Variants in ESD observed in about 807,000 individuals in gnomAD.
ESD encodes esterase D.
A neutral mutation model predicts 38.1 loss-of-function variants in ESD; 34 were observed. That is an observed-to-expected ratio of 0.89 (90% CI 0.68 to 1.19). ESD has a LOEUF of 1.19. ESD is among the 50% of genes most tolerant of loss of function. The pLI is 0.00. For synonymous variants in ESD, 97 were observed against 107.0 expected (o/e 0.91, Z 0.58); for missense variants, 334 against 327.2 (o/e 1.02, Z -0.16).
upstream of ESD, chr13:46,797,180 T>G (rs1225764811): frequency 6.6e-6 from 1 of 152,370 alleles, no homozygotes; most frequent in Admixed American, 6.5e-5. Context: ...GGGCCTCGCC[T>G]CAGCCCCGCC....
At chr13:46,776,924 A>C (rs1265984551) in intron 9 of ESD, 1 of 152,090 alleles carries the variant, frequency 6.6e-6, no homozygotes, top group Non-Finnish European at 1.5e-5. Flanking sequence ...ACGGTCAAAA[A>C]TATTTTAGTT....
At chr13:46,777,291 A>G (rs2138286094) in intron 9 of ESD, 165 bp downstream of exon 9, 1 of 454,340 alleles carries the variant, frequency 2.2e-6, no homozygotes, top group South Asian at 6.6e-5. Context: ...AGTGTTAGAT[A>G]TAATTAATTT....
At chr13:46,781,925 C>T (rs1875017347) in intron 6 of ESD, among the ~76,000 whole-genome samples, 1 of 151,484 alleles carries the variant, frequency 6.6e-6, no homozygotes, top group African/African-American at 2.4e-5. Context: ...AAGGAAAAGT[C>T]CTTAGGGAGA....
At chr13:46,795,301 C>T (rs1033911251) in intron 1 of ESD, among the ~76,000 whole-genome samples, 1 of 152,188 alleles carries the variant, frequency 6.6e-6, no homozygotes, top group Non-Finnish European at 1.5e-5. Flanking sequence ...TCAACGGATC[C>T]CTACCAACAG....
Position 46,772,874 on chromosome 13 carries a change from C to T in ESD, c.769-1378G>A, listed in dbSNP as rs532065612. Among the ~76,000 whole-genome samples, 14 of 152,090 alleles carry T rather than the reference C, an allele frequency of 9.2e-5. No individual in the cohort carries two copies. In the South Asian group the frequency reaches 2.5e-3, roughly 27 times the overall value. On this transcript the variant is annotated intron_variant, in intron 9 of 9. Transcript: ENST00000378720. ...TAATTTTTTGTATTTTTAGTAGAGACGGGGTTTCGCCATGTTAGCCAGGAT... is the reference window on the plus strand; with the variant it reads ...TAATTTTTTGTATTTTTAGTAGAGATGGGGTTTCGCCATGTTAGCCAGGAT...
chr13:46,787,778 C>CA (rs1875246694), intron 3 of ESD, among the ~76,000 whole-genome samples: 1 of 151,860 alleles, frequency 6.6e-6, no homozygotes, highest in African/African-American at 2.4e-5. Context: ...TACTTCCACA[C>CA]ACTGTTATGA....
chr13:46,784,412 T>C, intron 4 of ESD, 62 bp from the exon 5 acceptor site: 8 of 1,140,026 alleles, frequency 7.0e-6, no homozygotes, highest in South Asian at 1.3e-5. Context: ...CCATTAATAC[T>C]GGGGACTATT....
At chr13:46,786,858 G>A (rs1875210472) in intron 4 of ESD, among the ~76,000 whole-genome samples, 163 bp downstream of exon 4, 2 of 151,864 alleles carry the variant, frequency 1.3e-5, no homozygotes, top group African/African-American at 4.8e-5. Context: ...CAGTAGGTCT[G>A]AAATTATTCT....
intron 3 of ESD, among the ~76,000 whole-genome samples, 162 bp from the exon 4 acceptor site, chr13:46,787,271 A>G (rs143837525): frequency 1.6e-3 from 237 of 152,094 alleles, no homozygotes; most frequent in African/African-American, 5.5e-3. Flanking sequence ...TAACGAATAT[A>G]CTTGTCCCTT....
At chr13:46,773,972 T>C (rs1020508184) in intron 9 of ESD, among the ~76,000 whole-genome samples, 1 of 152,184 alleles carries the variant, frequency 6.6e-6, no homozygotes, top group African/African-American at 2.4e-5. Flanking sequence ...CTGTAAAATG[T>C]ACCAAGTATT....
chr13:46,782,468 A>G lies in ESD; in HGVS notation c.381+199T>C, dbSNP rs536382450. 3.9e-5 allele frequency among the ~76,000 whole-genome samples: 6 copies of G among 151,964 alleles called. No homozygotes were observed. In the South Asian group the frequency reaches 1.2e-3, roughly 31 times the overall value. ...TTCTGGGTAGTATAAACAGGTCTCA[A>G]TATAATGATTATATTCTTTAATTGT... On this transcript the variant is annotated intron_variant, in intron 6 of 9. Coordinates refer to ENST00000378720, the MANE Select transcript of ESD (RefSeq NM_001984.2).
intron 3 of ESD, among the ~76,000 whole-genome samples, chr13:46,789,489 C>T (rs75375682): frequency 0.021 from 3,202 of 152,192 alleles, 112 homozygotes; most frequent in African/African-American, 0.072. Flanking sequence ...TCTTTGTTCC[C>T]AACACTCTAA....
rs138041259 is a variant in ESD at position 46,789,779 on chromosome 13, A to G, written c.68+1567T>C. ...GAGTTTTGTCATTTCTACTACCAAA[A>G]TTTAAATGTCTAGGCTTTTTTGTAG... On this transcript the variant is annotated intron_variant, in intron 3 of 9. Coordinates refer to ENST00000378720, the MANE Select transcript of ESD (RefSeq NM_001984.2). Among the ~76,000 whole-genome samples the G allele has an allele frequency of 2.7e-3, 405 of 151,968 alleles. 4 individuals are homozygous for G. Among genetic ancestry groups the G allele is most frequent in the Admixed American group, 0.015 (226 of 15,246 alleles).
At chr13:46,789,959 G>A (rs1290160607) in intron 3 of ESD, among the ~76,000 whole-genome samples, 1 of 151,078 alleles carries the variant, frequency 6.6e-6, no homozygotes, top group Non-Finnish European at 1.5e-5. Flanking sequence ...GGGACTACAG[G>A]TGTGCATAAC....
intron 3 of ESD, among the ~76,000 whole-genome samples, chr13:46,787,344 G>A (rs1875229723): frequency 6.6e-6 from 1 of 151,852 alleles, no homozygotes; most frequent in Non-Finnish European, 1.5e-5. Context: ...TACTTTGCAT[G>A]GCACTGTCAT....
At chr13:46,792,729 A>G (rs984058492) in intron 2 of ESD, among the ~76,000 whole-genome samples, 1 of 152,072 alleles carries the variant, frequency 6.6e-6, no homozygotes, top group Non-Finnish European at 1.5e-5. Context: ...CTTAAACAAT[A>G]AACTCCCATG....
At chr13:46,797,650 C>CA (rs1460335949), upstream of ESD, among the ~76,000 whole-genome samples, 1 of 152,220 alleles carries the variant, frequency 6.6e-6, no homozygotes, top group African/African-American at 2.4e-5. Context: ...CAGTGGCCGA[C>CA]ACGCAGTGGG....
intron 3 of ESD, among the ~76,000 whole-genome samples, chr13:46,789,625 G>A (rs543614250): frequency 6.6e-6 from 1 of 152,032 alleles, no homozygotes; most frequent in South Asian, 2.1e-4. Flanking sequence ...CTCTATTTCT[G>A]TTCTATTTTC....
At chr13:46,776,630 G>A (rs1874807534) in intron 9 of ESD, 1 of 152,048 alleles carries the variant, frequency 6.6e-6, no homozygotes, top group African/African-American at 2.4e-5. Context: ...ATGAGTTAAT[G>A]CTGTGAAAGC....
Sources: gnomAD v4.1 joint callset for allele counts (sites outside exome capture counted in the v4.1 genomes callset) on GRCh38, gnomAD v4.1.1 for gene constraint, MANE v1.5 for transcripts, NCBI Gene and HGNC (gene_info 2026-07-23, HGNC 2026-07-21) for gene names.